The following SHTN1 variants were observed in gnomAD, a reference collection of about 807,000 sequenced individuals.
SHTN1 encodes the protein shootin-1.
A neutral mutation model predicts 83.1 loss-of-function variants in SHTN1; 42 were observed. The ratio of observed to expected loss-of-function variants is 0.51; its 90% CI spans 0.39 to 0.65. The LOEUF (loss-of-function observed/expected upper bound fraction) is 0.65, where lower values mean the gene tolerates loss of function less well. SHTN1 is among the 30% of genes least tolerant of loss of function. The probability of loss-of-function intolerance (pLI) is 0.00; values close to 1 mark genes in which losing one functional copy is unlikely to be tolerated. For synonymous variants in SHTN1, 224 were observed against 247.7 expected (o/e 0.90, Z 0.90); for missense variants, 622 against 737.8 (o/e 0.84, Z 1.82).
chr10:117,062,216 T>C (rs1852913930), intron 1 of SHTN1, among the ~76,000 whole-genome samples: 1 of 152,226 alleles, frequency 6.6e-6, no homozygotes, highest in Admixed American at 6.5e-5. Flanking sequence ...AAATAAATCT[T>C]AGAACTTTTC....
intron 1 of SHTN1, among the ~76,000 whole-genome samples, chr10:117,116,877 G>A (rs1054670004): frequency 1.3e-5 from 2 of 151,972 alleles, no homozygotes; most frequent in African/African-American, 4.8e-5. Context: ...CATAAAAAAT[G>A]CTCATCAAAT....
At chr10:116,992,294 A>G (rs528829613) in intron 1 of SHTN1, among the ~76,000 whole-genome samples, 2 of 152,376 alleles carry the variant, frequency 1.3e-5, no homozygotes, top group South Asian at 4.1e-4. Flanking sequence ...TAGATAAACA[A>G]GTCAGTCCAT....
intron 1 of SHTN1, among the ~76,000 whole-genome samples, chr10:117,119,647 A>C (rs1853895896): frequency 6.6e-6 from 1 of 152,250 alleles, no homozygotes; most frequent in Non-Finnish European, 1.5e-5. Flanking sequence ...CATATGATAC[A>C]GCAAGCCCAC....
intron 1 of SHTN1, among the ~76,000 whole-genome samples, chr10:116,990,550 TTAACAA>T (rs1428481019): frequency 6.6e-6 from 1 of 152,186 alleles, no homozygotes; most frequent in African/African-American, 2.4e-5. Context: ...CACTGCCTTG[TTAACAA>T]TGAGGGTCTT....
In SHTN1 at chr10:116,885,662, C is replaced by G. The variant is rs1252332164; in HGVS notation, c.*682G>C. On this transcript the variant is annotated 3_prime_UTR_variant, in exon 17 of 17. Transcript: ENST00000355371. ...CTGTAAAATTCAAGGTTTGGACTTT[C>G]ACCTCAGTTCTGTATTCAGGCTACC... 3 of 152,318 alleles carry G rather than the reference C, an allele frequency of 2.0e-5. No homozygotes were observed. The highest frequency in any genetic ancestry group is 1.5e-5 in the Non-Finnish European group (1 of 68,062). 9.4% of individuals were successfully genotyped at this position (152,318 alleles called of 1,614,324 possible).
intron 1 of SHTN1, among the ~76,000 whole-genome samples, chr10:117,111,085 C>G (rs1399135976): frequency 6.6e-6 from 1 of 151,888 alleles, no homozygotes; most frequent in African/African-American, 2.4e-5. Context: ...GTAGTCCCAG[C>G]TACTCGGGAG....
At chr10:116,940,415 G>T in intron 9 of SHTN1, 51 bp downstream of exon 9, 1 of 1,559,164 alleles carries the variant, frequency 6.4e-7, no homozygotes, top group Non-Finnish European at 8.8e-7. Context: ...ATATATGTGT[G>T]TATGCATGTA....
At chr10:117,073,377 C>A (rs1853111292) in intron 1 of SHTN1, among the ~76,000 whole-genome samples, 1 of 152,174 alleles carries the variant, frequency 6.6e-6, no homozygotes, top group Admixed American at 6.6e-5. Context: ...TCATTTAATT[C>A]TCATAATAAC....
chr10:117,018,030 A>C (rs1170479547), intron 2 of SHTN1, among the ~76,000 whole-genome samples: 2 of 152,216 alleles, frequency 1.3e-5, no homozygotes, highest in African/African-American at 4.8e-5. Flanking sequence ...GGGAAGACTA[A>C]AAAACTGTCA....
At position 116,894,167 on chromosome 10, in the gene SHTN1, G is replaced by A. The variant is rs369507334; in HGVS notation, c.1673+7598C>T. Reference sequence around the variant, plus strand: ...ATTTATCTTTTGTCAACTACCCTTTGGTTTCATTAATGGCCCAAACAAGAT... The same window carrying A: ...ATTTATCTTTTGTCAACTACCCTTTAGTTTCATTAATGGCCCAAACAAGAT... On this transcript the variant is annotated intron_variant, in intron 16 of 16. Transcript: ENST00000355371. Among the ~76,000 whole-genome samples the A allele has an allele frequency of 4.6e-5, 7 of 152,076 alleles. No individual in the cohort carries two copies. The South Asian group carries it at 8.3e-4, about 18-fold the overall frequency.
At chr10:116,953,088 T>G (rs1317244299) in intron 5 of SHTN1, among the ~76,000 whole-genome samples, 1 of 152,230 alleles carries the variant, frequency 6.6e-6, no homozygotes, top group South Asian at 2.1e-4. Flanking sequence ...TCCTTTCTTC[T>G]TTATACTTCC....
intron 1 of SHTN1, among the ~76,000 whole-genome samples, chr10:117,055,812 G>C (rs1852818762): frequency 6.6e-6 from 1 of 152,204 alleles, no homozygotes; most frequent in African/African-American, 2.4e-5. Context: ...AGACTGCAGA[G>C]AGCTGTGGTC....
intron 1 of SHTN1, among the ~76,000 whole-genome samples, chr10:117,066,164 CTTGT>C (rs1431137225): frequency 1.3e-5 from 2 of 152,152 alleles, no homozygotes; most frequent in African/African-American, 4.8e-5. Context: ...CTATGGAGTT[CTTGT>C]TTACTTTTGA....
intron 1 of SHTN1, among the ~76,000 whole-genome samples, chr10:116,998,391 A>G (rs1851706019): frequency 6.6e-6 from 1 of 152,180 alleles, no homozygotes; most frequent in African/African-American, 2.4e-5. Flanking sequence ...TGGTATGAAA[A>G]TAGATGACTA....
intron 16 of SHTN1, among the ~76,000 whole-genome samples, chr10:116,889,412 T>A (rs1323200976): frequency 6.6e-6 from 1 of 152,176 alleles, no homozygotes; most frequent in Non-Finnish European, 1.5e-5. Flanking sequence ...TGAGAACCCC[T>A]TTGTTATCAC....
At chr10:116,947,412 A>T (rs1222703988) in intron 7 of SHTN1, among the ~76,000 whole-genome samples, 2 of 152,198 alleles carry the variant, frequency 1.3e-5, no homozygotes, top group Non-Finnish European at 2.9e-5. Flanking sequence ...AACTGACTTA[A>T]GGACTGGTTT....
chr10:116,906,274 C>CA (rs1847968857), intron 15 of SHTN1, among the ~76,000 whole-genome samples: 1 of 152,208 alleles, frequency 6.6e-6, no homozygotes, highest in South Asian at 2.1e-4. Flanking sequence ...AGCTGGTATA[C>CA]AAGAGAACTA....
At chr10:117,108,691 G>C (rs1243876356) in intron 1 of SHTN1, among the ~76,000 whole-genome samples, 1 of 151,220 alleles carries the variant, frequency 6.6e-6, no homozygotes, top group East Asian at 2.0e-4. Context: ...ATGTACCCTA[G>C]AACTTAAAGT....
intron 1 of SHTN1, among the ~76,000 whole-genome samples, chr10:117,059,775 G>GTCAAT (rs1286150684): frequency 6.6e-6 from 1 of 152,178 alleles, no homozygotes; most frequent in East Asian, 1.9e-4. Flanking sequence ...CTGTATCAAT[G>GTCAAT]TCAATATCCT....
Sources: allele counts gnomAD v4.1 joint callset (sites outside exome capture counted in the v4.1 genomes callset), GRCh38; gene constraint gnomAD v4.1.1; transcripts MANE v1.5; gene names NCBI Gene and HGNC (gene_info 2026-07-23, HGNC 2026-07-21).